The following GBE1 variants were observed in gnomAD, a reference collection of about 807,000 sequenced individuals.
GBE1 encodes the protein 1,4-alpha-glucan-branching enzyme.
Under a neutral mutation model 88.8 loss-of-function variants are expected in GBE1, and 70 were observed. The ratio of observed to expected loss-of-function variants is 0.79; its 90% CI spans 0.65 to 0.96. GBE1 has a LOEUF of 0.96. Ranked by LOEUF, GBE1 falls within the 40% of genes least tolerant of loss-of-function variation. The pLI is 0.00. For synonymous variants in GBE1, 284 were observed against 300.1 expected (o/e 0.95, Z 0.56); for missense variants, 872 against 871.0 (o/e 1.00, Z -0.01).
In GBE1 at chr3:81,627,384, A is replaced by C. The variant is rs144617098; in HGVS notation, c.992+15397T>G. ...GATAAACATGGTCTTTGCCCTGCTGAAACTTTTATTATTGGCTTCGTATAA... is the reference window on the plus strand; with the variant it reads ...GATAAACATGGTCTTTGCCCTGCTGCAACTTTTATTATTGGCTTCGTATAA... On this transcript the variant is annotated intron_variant, in intron 7 of 15. Transcript: ENST00000429644. Among the ~76,000 whole-genome samples the C allele has an allele frequency of 7.1e-4, 108 of 152,352 alleles. No homozygotes were observed. In the Middle Eastern group the frequency reaches 0.017, roughly 24 times the overall value.
intron 6 of GBE1, among the ~76,000 whole-genome samples, chr3:81,643,793 C>T (rs1315620757): frequency 6.6e-6 from 1 of 152,120 alleles, no homozygotes; most frequent in Non-Finnish European, 1.5e-5. Context: ...CTCCCAATAG[C>T]CAACTCCACT....
At chr3:81,570,231 GA>G (rs1018030128) in intron 12 of GBE1, among the ~76,000 whole-genome samples, 4 of 151,306 alleles carry the variant, frequency 2.6e-5, no homozygotes, top group African/African-American at 7.3e-5. Flanking sequence ...TGTTAAATTA[GA>G]AAAAAAAATT....
rs1380404880 is a variant in GBE1 at position 81,750,614 on chromosome 3, TATGTATATATATATAC to T, written c.143+10745_143+10760del. Among the ~76,000 whole-genome samples, 17 of 77,546 alleles carry T rather than the reference TATGTATATATATATAC, an allele frequency of 2.2e-4. 1 individual carries two copies. The highest frequency in any genetic ancestry group is 5.2e-3 in the Middle Eastern group (1 of 194). The allele number at this position is 77,546 out of a possible 152,430, so 50.9% of individuals were successfully genotyped here. ...GTATATATATATGTGTATATATATA[TATGTATATATATATAC>T]GTATATATATATATGTATATATATA... is the stretch of plus-strand genomic sequence containing the variant. On this transcript the variant is annotated intron_variant, in intron 1 of 15. Transcript: ENST00000429644.
rs150418506 is a variant in GBE1 at position 81,565,138 on chromosome 3, C to T, written c.1618+12787G>A. ...TTAAGTCTGTGCCATTTGGAATATACGCTATTTGTATCTCTGAGCATTTTA... is the reference window on the plus strand; with the variant it reads ...TTAAGTCTGTGCCATTTGGAATATATGCTATTTGTATCTCTGAGCATTTTA... On this transcript the variant is annotated intron_variant, in intron 12 of 15. Transcript: ENST00000429644. 2.4e-3 allele frequency among the ~76,000 whole-genome samples: 358 copies of T among 152,262 alleles called. 2 individuals are homozygous for T. The highest frequency in any genetic ancestry group is 8.3e-3 in the African/African-American group (344 of 41,560).
At chr3:81,596,815 G>T (rs1469029923) in intron 7 of GBE1, among the ~76,000 whole-genome samples, 1 of 151,814 alleles carries the variant, frequency 6.6e-6, no homozygotes, top group East Asian at 1.9e-4. Flanking sequence ...CATGGAGAAT[G>T]AAAACAATAA....
In GBE1 at chr3:81,675,372, G is replaced by T. The variant is rs1705238812; in HGVS notation, c.314-4419C>A. Among the ~76,000 whole-genome samples, 5 of 152,104 alleles carry T rather than the reference G, an allele frequency of 3.3e-5. No homozygotes were observed. The South Asian group carries it at 1.0e-3, about 32-fold the overall frequency. On this transcript the variant is annotated intron_variant, in intron 2 of 15. Coordinates refer to ENST00000429644, the MANE Select transcript of GBE1 (RefSeq NM_000158.4). ...GATTGACTGGGGTTGTAAAGCCCAG[G>T]AAGGATGACCAGTGAGAATCAGATT...
rs549251673 is a variant in GBE1, at chr3:81,659,644, G to A, written c.430-9723C>T. 4.6e-5 allele frequency among the ~76,000 whole-genome samples: 7 copies of A among 151,366 alleles called. No individual in the cohort carries two copies. The South Asian group carries it at 1.0e-3, about 23-fold the overall frequency. ...ATGACAGGTATGAGCCACCGCACCCGGCCCCTAAGCAATCATTCTAAGTGC... is the reference window on the plus strand; with the variant it reads ...ATGACAGGTATGAGCCACCGCACCCAGCCCCTAAGCAATCATTCTAAGTGC... On this transcript the variant is annotated intron_variant, in intron 3 of 15. Transcript: ENST00000429644.
At chr3:81,552,719 T>C (rs1433695704) in intron 12 of GBE1, among the ~76,000 whole-genome samples, 2 of 152,086 alleles carry the variant, frequency 1.3e-5, no homozygotes, top group East Asian at 3.9e-4. Context: ...TGAAGGGTAA[T>C]TATACATCTC....
chr3:81,682,642 T>C (rs182912262), intron 2 of GBE1, among the ~76,000 whole-genome samples: 1 of 152,164 alleles, frequency 6.6e-6, no homozygotes, highest in Non-Finnish European at 1.5e-5. Flanking sequence ...TCAAACCTTA[T>C]ATACTACTGG....
rs117818863 is a variant in GBE1 at position 81,519,061 on chromosome 3, G to A, written c.1934+16134C>T. 3.8e-4 allele frequency among the ~76,000 whole-genome samples: 57 copies of A among 151,558 alleles called. 1 individual carries two copies. The East Asian group carries it at 0.011, about 29-fold the overall frequency. ...ATTAAGTCCTTTGTTTTTATTTGTTGCAAAAAGCATAGATTCTAATAAACA... is the reference window on the plus strand; with the variant it reads ...ATTAAGTCCTTTGTTTTTATTTGTTACAAAAAGCATAGATTCTAATAAACA... On this transcript the variant is annotated intron_variant, in intron 14 of 15. Coordinates refer to ENST00000429644, the MANE Select transcript of GBE1 (RefSeq NM_000158.4).
chr3:81,642,951 G>A lies in GBE1; in HGVS notation c.822C>T (p.Asp274=), dbSNP rs2107059776. Residue 274 remains aspartate, a synonymous_variant, in exon 7 of 16, where the codon GAC becomes GAT. Coordinates refer to ENST00000429644, the MANE Select transcript of GBE1 (RefSeq NM_000158.4). ...GTPEELQELV[D]TAHSMGIIVL... ...CTATGATACCCATGGAATGAGCTGT[G>A]TCTACCAGTTCTTGTAGCTCTTCAG... 6.2e-7 allele frequency: 1 copy of A among 1,612,598 alleles called. No individual in the cohort carries two copies. The highest frequency in any genetic ancestry group is 8.5e-7 in the Non-Finnish European group (1 of 1,179,118).
intron 2 of GBE1, among the ~76,000 whole-genome samples, chr3:81,674,277 CT>C (rs1162389291): frequency 6.6e-6 from 1 of 151,908 alleles, no homozygotes; most frequent in Non-Finnish European, 1.5e-5. Context: ...CAGTTCCTGC[CT>C]TATATGAGTT....
At chr3:81,530,749 G>T (rs1299183072) in intron 14 of GBE1, among the ~76,000 whole-genome samples, 2 of 151,892 alleles carry the variant, frequency 1.3e-5, no homozygotes, top group Non-Finnish European at 2.9e-5. Context: ...AACACCACTG[G>T]GACTGTGCTG....
intron 7 of GBE1, among the ~76,000 whole-genome samples, chr3:81,634,522 T>C (rs913457296): frequency 6.6e-6 from 1 of 152,178 alleles, no homozygotes; most frequent in Non-Finnish European, 1.5e-5. Flanking sequence ...TTTTCAGTAC[T>C]AACGAACAGG....
At chr3:81,698,148 A>G (rs935575431) in intron 2 of GBE1, among the ~76,000 whole-genome samples, 2 of 151,300 alleles carry the variant, frequency 1.3e-5, no homozygotes, top group African/African-American at 4.8e-5. Context: ...GATGCTTTTC[A>G]GTAAAAATAA....
rs141214861 is a variant in GBE1 at position 81,490,099 on chromosome 3, G to A, written c.*308C>T. On this transcript the variant is annotated 3_prime_UTR_variant, in exon 16 of 16. Transcript: ENST00000429644. ...AAATGATTCAAATTTGAATTTAAAA[G>A]GATCAAATAATTAGCCAGGAAAGCA... The A allele has an allele frequency of 8.2e-3, 2,362 of 287,732 alleles. 14 individuals carry two copies. Among genetic ancestry groups the A allele is most frequent in the Non-Finnish European group, 0.012 (1,849 of 155,692 alleles). 17.8% of individuals were successfully genotyped at this position (287,732 alleles called of 1,614,324 possible). A position where few individuals can be genotyped will look rare whatever the true frequency, so the allele number is the denominator to read the frequency against.
intron 12 of GBE1, among the ~76,000 whole-genome samples, chr3:81,547,245 C>T (rs781133960): frequency 6.6e-5 from 10 of 151,422 alleles, no homozygotes; most frequent in African/African-American, 1.7e-4. Flanking sequence ...AACTTGGGTT[C>T]GAGGCCCAAC....
chr3:81,723,523 AAAAG>A (rs1406889450), intron 1 of GBE1, among the ~76,000 whole-genome samples: 2 of 152,158 alleles, frequency 1.3e-5, no homozygotes, highest in Admixed American at 6.6e-5. Context: ...TTTTTTCTTA[AAAAG>A]AAATAGTGAA....
intron 12 of GBE1, among the ~76,000 whole-genome samples, chr3:81,559,577 T>C (rs1317321404): frequency 6.6e-6 from 1 of 151,962 alleles, no homozygotes; most frequent in Non-Finnish European, 1.5e-5. Flanking sequence ...TAAGGTTTTA[T>C]TTGTTCTACC....
Sources: allele counts gnomAD v4.1 joint callset (sites outside exome capture counted in the v4.1 genomes callset), GRCh38; gene constraint gnomAD v4.1.1; transcripts MANE v1.5; gene names NCBI Gene and HGNC (gene_info 2026-07-23, HGNC 2026-07-21).